Variants in TNR observed in about 807,000 individuals in gnomAD.
TNR encodes the protein tenascin-R.
A neutral mutation model predicts 150.4 loss-of-function variants in TNR; 45 were observed. The observed-to-expected ratio is 0.30, with a 90% CI of 0.24 to 0.38. The LOEUF (loss-of-function observed/expected upper bound fraction) is 0.38, where lower values mean the gene tolerates loss of function less well. Ranked by LOEUF, TNR falls within the 10% of genes least tolerant of loss-of-function variation. The pLI is 1.00. For missense variants in TNR, 1,544 were observed against 1,759.1 expected (o/e 0.88, Z 2.19); for synonymous variants, 687 against 678.4 (o/e 1.01, Z -0.20).
At chr1:175,696,224 T>TTGTTGTTGTTG (rs1553254725) in intron 1 of TNR, among the ~76,000 whole-genome samples, 1 of 120,378 alleles carries the variant, frequency 8.3e-6, no homozygotes, top group African/African-American at 3.5e-5. Context: ...GTAGTTTTTT[T>TTGTTGTTGTTG]TTTTTTTTTT....
intron 1 of TNR, among the ~76,000 whole-genome samples, chr1:175,605,744 C>A (rs571002990): frequency 1.3e-5 from 2 of 152,042 alleles, no homozygotes; most frequent in South Asian, 4.1e-4. Flanking sequence ...TTTCCTTATG[C>A]TGATAAATCT....
intron 1 of TNR, among the ~76,000 whole-genome samples, chr1:175,703,323 T>C (rs1331264054): frequency 6.6e-6 from 1 of 152,208 alleles, no homozygotes; most frequent in African/African-American, 2.4e-5. Flanking sequence ...AACCCTTCTG[T>C]GAACTGTGAT....
At chr1:175,491,858 C>T (rs1442771902) in intron 2 of TNR, among the ~76,000 whole-genome samples, 2 of 151,824 alleles carry the variant, frequency 1.3e-5, no homozygotes, top group East Asian at 3.9e-4. Context: ...ACTGTGTTAG[C>T]CAGGATGGTC....
chr1:175,686,219 T>C (rs536152538), intron 1 of TNR, among the ~76,000 whole-genome samples: 10 of 152,362 alleles, frequency 6.6e-5, no homozygotes, highest in Non-Finnish European at 1.5e-4. Flanking sequence ...TTGTAATCCC[T>C]GGCTAGTTAA....
intron 2 of TNR, among the ~76,000 whole-genome samples, chr1:175,517,430 T>C (rs1659460125): frequency 6.6e-6 from 1 of 152,174 alleles, no homozygotes; most frequent in East Asian, 1.9e-4. Context: ...CTGTGAGGAC[T>C]GATCTCAAAA....
chr1:175,706,255 A>T (rs755624571), intron 1 of TNR, among the ~76,000 whole-genome samples: 8 of 152,210 alleles, frequency 5.3e-5, no homozygotes, highest in Admixed American at 2.0e-4. Context: ...AGCACCAAAT[A>T]TCAGAATGCT....
chr1:175,458,341 C>T (rs1656657543), intron 2 of TNR, among the ~76,000 whole-genome samples: 1 of 152,076 alleles, frequency 6.6e-6, no homozygotes. Flanking sequence ...TTCATTTGTT[C>T]AATATATATA....
At chr1:175,608,608 T>G (rs925920182) in intron 1 of TNR, among the ~76,000 whole-genome samples, 4 of 152,292 alleles carry the variant, frequency 2.6e-5, no homozygotes, top group African/African-American at 9.6e-5. Context: ...AAAGTAGTTG[T>G]AATGTCTAAA....
At chr1:175,550,491 C>G (rs1205586995) in intron 1 of TNR, among the ~76,000 whole-genome samples, 2 of 151,772 alleles carry the variant, frequency 1.3e-5, no homozygotes, top group Non-Finnish European at 2.9e-5. Flanking sequence ...TGGAACTCTT[C>G]CCCCCTCACC....
chr1:175,433,455 C>A (rs953613416), intron 2 of TNR, among the ~76,000 whole-genome samples: 4 of 152,182 alleles, frequency 2.6e-5, no homozygotes, highest in African/African-American at 9.7e-5. Flanking sequence ...CCAACAAACC[C>A]TTCACAGAAA....
At chr1:175,555,790 T>C (rs1396049831) in intron 1 of TNR, among the ~76,000 whole-genome samples, 3 of 152,236 alleles carry the variant, frequency 2.0e-5, no homozygotes, top group African/African-American at 7.2e-5. Context: ...GAATCTAAAG[T>C]AGCTGACCCA....
At chr1:175,723,739 G>A (rs10913066) in intron 1 of TNR, among the ~76,000 whole-genome samples, 2,703 of 152,182 alleles carry the variant, frequency 0.018, 77 homozygotes, top group African/African-American at 0.062. Flanking sequence ...TTAGCTGAGC[G>A]TGGTGGCTCA....
chr1:175,392,100 AAGAAG>A (rs1191948631), intron 6 of TNR, among the ~76,000 whole-genome samples: 1 of 152,194 alleles, frequency 6.6e-6, no homozygotes, highest in Non-Finnish European at 1.5e-5. Context: ...AGATAATACA[AAGAAG>A]AGAAGAAGGA....
At chr1:175,653,574 G>C (rs1665069803) in intron 1 of TNR, among the ~76,000 whole-genome samples, 1 of 152,070 alleles carries the variant, frequency 6.6e-6, no homozygotes, top group Admixed American at 6.5e-5. Flanking sequence ...ACAAGAGAGG[G>C]GTCTGGTAGT....
chr1:175,347,827 C>A (rs1285704123), intron 18 of TNR, among the ~76,000 whole-genome samples: 1 of 152,006 alleles, frequency 6.6e-6, no homozygotes, highest in East Asian at 1.9e-4. Flanking sequence ...GCTTTAGTTG[C>A]ATTCCTTTTG....
intron 2 of TNR, among the ~76,000 whole-genome samples, chr1:175,425,326 A>G (rs1160986312): frequency 6.6e-6 from 1 of 152,194 alleles, no homozygotes; most frequent in Non-Finnish European, 1.5e-5. Context: ...CATCTGTAAC[A>G]TGGAGATACT....
intron 1 of TNR, among the ~76,000 whole-genome samples, chr1:175,591,134 C>T (rs1662780809): frequency 6.6e-6 from 1 of 152,168 alleles, no homozygotes; most frequent in Non-Finnish European, 1.5e-5. Flanking sequence ...TGGCCACCTC[C>T]TCTCTGATGT....
intron 1 of TNR, among the ~76,000 whole-genome samples, chr1:175,622,263 CCTGA>C (rs1243390365): frequency 6.6e-6 from 1 of 152,156 alleles, no homozygotes; most frequent in Non-Finnish European, 1.5e-5. Context: ...CTATTGAATC[CCTGA>C]CTGATACTCC....
In TNR at chr1:175,379,595, C is replaced by T. The variant is rs759367959; in HGVS notation, c.1920G>A (p.Leu640=). ...TGGTTGGACCAATGCCCCTGGGGAC[C>T]AGTACCTCATGATATTGCTCACCCG... ...TLAGEQYHEV[L]VPRGIGPTTR... Residue 640 remains leucine, a synonymous_variant, in exon 9 of 23, where the codon CTG becomes CTA. Transcript: ENST00000367674. 6.2e-7 allele frequency: 1 copy of T among 1,614,008 alleles called. No homozygotes were observed. The highest frequency in any genetic ancestry group is 2.2e-5 in the East Asian group (1 of 44,876).
Sources: gnomAD v4.1 joint callset for allele counts (sites outside exome capture counted in the v4.1 genomes callset) on GRCh38, gnomAD v4.1.1 for gene constraint, MANE v1.5 for transcripts, NCBI Gene and HGNC (gene_info 2026-07-23, HGNC 2026-07-21) for gene names.